NAV3: variants seen among roughly 807,000 people sequenced by gnomAD.
NAV3 encodes neuron navigator 3.
In NAV3, 87 loss-of-function variants were observed where a neutral mutation model predicts 244.7. The observed-to-expected ratio is 0.36, with a 90% CI of 0.30 to 0.42. The LOEUF is 0.42. Among genes scored for constraint, NAV3 ranks in the 20% least tolerant of loss-of-function variants. The pLI, the probability that NAV3 is intolerant of heterozygous loss-of-function variation, is 1.00. For missense variants in NAV3, 2,663 were observed against 2,893.3 expected (o/e 0.92, Z 1.83); for synonymous variants, 1,126 against 1,042.2 (o/e 1.08, Z -1.55).
At chr12:77,772,194 C>A (rs12300202) in intron 2 of NAV3, among the ~76,000 whole-genome samples, 1,873 of 152,148 alleles carry the variant, frequency 0.012, 47 homozygotes, top group African/African-American at 0.041. Flanking sequence ...TGAGGGACAA[C>A]GCTAGTATTC....
intron 12 of NAV3, among the ~76,000 whole-genome samples, chr12:78,085,068 T>C (rs1346579031): frequency 6.6e-6 from 1 of 152,146 alleles, no homozygotes. Context: ...TGTGTTCCTA[T>C]AAAAATAAAG....
chr12:78,081,056 A>G (rs1953322577), intron 12 of NAV3, among the ~76,000 whole-genome samples: 1 of 151,216 alleles, frequency 6.6e-6, no homozygotes, highest in Non-Finnish European at 1.5e-5. Flanking sequence ...TAGAGAAGTC[A>G]GAATTTGATT....
At chr12:77,994,120 A>T (rs981841295) in intron 5 of NAV3, among the ~76,000 whole-genome samples, 16 of 152,260 alleles carry the variant, frequency 1.1e-4, no homozygotes, top group African/African-American at 3.9e-4. Context: ...AAAATCATTG[A>T]GAAATGTAAT....
At chr12:78,158,068 CT>C (rs1436237903) in intron 22 of NAV3, among the ~76,000 whole-genome samples, 1 of 151,950 alleles carries the variant, frequency 6.6e-6, no homozygotes, top group Non-Finnish European at 1.5e-5. Context: ...AGCTTTAATT[CT>C]TTGTATTTTT....
Position 78,118,380 on chromosome 12 carries a change from C to T in NAV3, c.3040+83C>T, listed in dbSNP as rs1011831240. 12 of 1,472,876 alleles carry T rather than the reference C, an allele frequency of 8.1e-6. No individual in the cohort carries two copies. In the African/African-American group the frequency reaches 1.7e-4, roughly 21 times the overall value. The allele number at this position is 1,472,876 out of a possible 1,614,324, so 91.2% of individuals were successfully genotyped here. A position where few individuals can be genotyped will look rare whatever the true frequency, so the allele number is the denominator to read the frequency against. On this transcript the variant is annotated intron_variant, in intron 14 of 39. Coordinates refer to ENST00000397909, the MANE Select transcript of NAV3 (RefSeq NM_001024383.2). ...CAATCTTTGTTTTCTCTAACAATAG[C>T]ATTTCTAAAATACCAAATTCTTATC...
intron 2 of NAV3, among the ~76,000 whole-genome samples, chr12:77,678,520 G>A (rs1365577065): frequency 6.6e-6 from 1 of 152,078 alleles, no homozygotes; most frequent in Non-Finnish European, 1.5e-5. Context: ...TCTCTTTGGG[G>A]ACTTGAAGGG....
At chr12:77,601,209 G>A (rs1477338221) in intron 2 of NAV3, among the ~76,000 whole-genome samples, 1 of 151,968 alleles carries the variant, frequency 6.6e-6, no homozygotes, top group East Asian at 1.9e-4. Flanking sequence ...GATAACTGAA[G>A]CTTAGACAGG....
intron 19 of NAV3, among the ~76,000 whole-genome samples, chr12:78,137,917 T>C (rs1189357712): frequency 6.6e-6 from 1 of 152,208 alleles, no homozygotes; most frequent in Admixed American, 6.5e-5. Context: ...TATAGTTCTA[T>C]GTAAATACTC....
At chr12:77,602,189 T>A (rs1005370531) in intron 2 of NAV3, among the ~76,000 whole-genome samples, 27 of 151,864 alleles carry the variant, frequency 1.8e-4, no homozygotes, top group African/African-American at 6.3e-4. Context: ...TTTCTAGGAG[T>A]AGGACAGTCT....
chr12:77,895,952 CAGTAA>C (rs1204335234), intron 1 of NAV3, among the ~76,000 whole-genome samples: 1 of 66,578 alleles, frequency 1.5e-5, no homozygotes, highest in Admixed American at 1.8e-4. Context: ...TCTCAATTTC[CAGTAA>C]AAAAAAAAAA....
In NAV3 at chr12:78,210,593, C is replaced by T; in HGVS notation, c.*76C>T. 6.5e-7 allele frequency: 1 copy of T among 1,539,566 alleles called. No homozygotes were observed. The highest frequency in any genetic ancestry group is 8.8e-7 in the Non-Finnish European group (1 of 1,138,988). On this transcript the variant is annotated 3_prime_UTR_variant, in exon 40 of 40. Transcript: ENST00000397909. Reference sequence around the variant, plus strand: ...AAAGAAAGGTATTTTCACTAAACCACTGCCAGTATAAAAGCACCCTGTCAA... The same window carrying T: ...AAAGAAAGGTATTTTCACTAAACCATTGCCAGTATAAAAGCACCCTGTCAA...
intron 2 of NAV3, among the ~76,000 whole-genome samples, chr12:77,713,258 T>C (rs1024428365): frequency 9.2e-5 from 14 of 152,218 alleles, no homozygotes; most frequent in Non-Finnish European, 1.5e-4. Flanking sequence ...TTCTGATTTT[T>C]TAAGTATTTG....
At chr12:77,708,574 G>GT (rs978602701) in intron 2 of NAV3, among the ~76,000 whole-genome samples, 18 of 151,858 alleles carry the variant, frequency 1.2e-4, no homozygotes, top group South Asian at 6.2e-4. Flanking sequence ...CTTTAAAGTA[G>GT]TTTTTTTTCC....
At chr12:78,185,536 T>C in intron 30 of NAV3, 65 bp from the exon 31 acceptor site, 1 of 1,352,702 alleles carries the variant, frequency 7.4e-7, no homozygotes, top group Non-Finnish European at 1.0e-6. Context: ...GAGAAAAGAA[T>C]GACAGTAAAC....
chr12:77,989,042 A>G (rs1313928619), intron 5 of NAV3, among the ~76,000 whole-genome samples: 2 of 152,168 alleles, frequency 1.3e-5, no homozygotes, highest in African/African-American at 4.8e-5. Context: ...TGAAAATTTG[A>G]AAGAAAAATA....
intron 1 of NAV3, among the ~76,000 whole-genome samples, chr12:77,878,483 C>G (rs749948256): frequency 2.0e-5 from 3 of 152,070 alleles, no homozygotes; most frequent in Non-Finnish European, 2.9e-5. Context: ...CCCATCTCGG[C>G]CTCCCAAAGT....
intron 3 of NAV3, among the ~76,000 whole-genome samples, chr12:77,961,767 AAAT>A (rs1892041771): frequency 7.2e-6 from 1 of 139,400 alleles, no homozygotes; most frequent in Non-Finnish European, 1.5e-5. Flanking sequence ...AGTGTAGACA[AAAT>A]AAAAACCATC....
chr12:77,908,632 C>T (rs1345201337), intron 1 of NAV3, among the ~76,000 whole-genome samples: 2 of 151,910 alleles, frequency 1.3e-5, no homozygotes, highest in African/African-American at 2.4e-5. Flanking sequence ...AAAAATATTA[C>T]TCATCTAAAA....
At chr12:78,062,432 T>C (rs528685132) in intron 12 of NAV3, among the ~76,000 whole-genome samples, 1 of 152,120 alleles carries the variant, frequency 6.6e-6, no homozygotes. Context: ...TCTGGGGTTG[T>C]GTACATTTGA....
Sources: allele counts gnomAD v4.1 joint callset (sites outside exome capture counted in the v4.1 genomes callset), GRCh38; gene constraint gnomAD v4.1.1; transcripts MANE v1.5; gene names NCBI Gene and HGNC (gene_info 2026-07-23, HGNC 2026-07-21).